Variants in SMARCC1 observed in about 807,000 individuals in gnomAD.
The protein encoded by SMARCC1 is SWI/SNF complex subunit SMARCC1.
A neutral mutation model predicts 147.4 loss-of-function variants in SMARCC1; 43 were observed. The observed-to-expected ratio is 0.29, with a 90% CI of 0.23 to 0.38. The LOEUF is 0.38. Ranked by LOEUF, SMARCC1 falls within the 10% of genes least tolerant of loss-of-function variation. The pLI is 1.00. For synonymous variants in SMARCC1, 495 were observed against 484.4 expected (o/e 1.02, Z -0.29); for missense variants, 1,119 against 1,381.1 (o/e 0.81, Z 3.01).
intron 14 of SMARCC1, among the ~76,000 whole-genome samples, chr3:47,681,417 T>C (rs1477549205): frequency 2.0e-5 from 3 of 152,338 alleles, no homozygotes; most frequent in South Asian, 4.1e-4. Flanking sequence ...TAACAATATA[T>C]GCAAACGCTA....
In SMARCC1 at chr3:47,673,391, A is replaced by AT. The variant is rs1235614170; in HGVS notation, c.1839+2083_1839+2084insA. 2.1e-3 allele frequency among the ~76,000 whole-genome samples: 82 copies of AT among 38,722 alleles called. 7 individuals carry two copies. The Admixed American group carries it at 0.025, about 12-fold the overall frequency. The allele number at this position is 38,722 out of a possible 152,430, so 25.4% of individuals were successfully genotyped here. ...ACAGAGCGAGACTCTGTCTCAAAAA[A>AT]AAAAGGGTGGGGGGGGGGCAGGCCA... On this transcript the variant is annotated intron_variant, in intron 18 of 27. Coordinates refer to ENST00000254480, the MANE Select transcript of SMARCC1 (RefSeq NM_003074.4).
At chr3:47,632,208 A>C (rs1458765340) in intron 24 of SMARCC1, among the ~76,000 whole-genome samples, 1 of 152,192 alleles carries the variant, frequency 6.6e-6, no homozygotes, top group African/African-American at 2.4e-5. Context: ...GATAATCAGT[A>C]GTGTATACCA....
chr3:47,682,104 G>A (rs565073931), intron 14 of SMARCC1, among the ~76,000 whole-genome samples: 4 of 151,166 alleles, frequency 2.6e-5, no homozygotes, highest in African/African-American at 7.3e-5. Flanking sequence ...TCTCATCCTG[G>A]GTAGCATGGT....
chr3:47,615,633 G>A (rs1031947183), intron 25 of SMARCC1, among the ~76,000 whole-genome samples: 3 of 152,034 alleles, frequency 2.0e-5, no homozygotes, highest in African/African-American at 4.8e-5. Flanking sequence ...TCACAGTTCC[G>A]AGTTCCCTAA....
chr3:47,685,994 G>A, intron 14 of SMARCC1, 55 bp downstream of exon 14: 1 of 1,499,378 alleles, frequency 6.7e-7, no homozygotes, highest in East Asian at 2.4e-5. Flanking sequence ...CTGATTTCAA[G>A]GAAAGTTCTT....
chr3:47,648,987 C>T (rs892170257), intron 21 of SMARCC1, among the ~76,000 whole-genome samples: 1 of 152,200 alleles, frequency 6.6e-6, no homozygotes, highest in Admixed American at 6.5e-5. Context: ...AATATACATC[C>T]TACTACCTAA....
At chr3:47,733,399 C>A (rs2106826027) in intron 5 of SMARCC1, among the ~76,000 whole-genome samples, 1 of 151,294 alleles carries the variant, frequency 6.6e-6, no homozygotes, top group East Asian at 2.0e-4. Flanking sequence ...CTAGGGAAGA[C>A]CCTGTCTCTT....
chr3:47,759,915 C>T (rs1418703942), intron 2 of SMARCC1, among the ~76,000 whole-genome samples: 3 of 151,582 alleles, frequency 2.0e-5, no homozygotes, highest in Non-Finnish European at 4.4e-5. Flanking sequence ...CCAGCCTGGG[C>T]AACAAAAGCG....
At chr3:47,645,220 G>C (rs1326525699) in intron 21 of SMARCC1, among the ~76,000 whole-genome samples, 1 of 151,844 alleles carries the variant, frequency 6.6e-6, no homozygotes, top group Non-Finnish European at 1.5e-5. Context: ...CTTGATCCTA[G>C]GTCAAGCCTG....
At chr3:47,755,989 T>TAAA (rs34001771) in intron 2 of SMARCC1, among the ~76,000 whole-genome samples, 4 of 22,912 alleles carry the variant, frequency 1.7e-4, no homozygotes, top group Non-Finnish European at 2.2e-4. Flanking sequence ...GGCTTCATCT[T>TAAA]AAAAAAAAAA....
rs900496223 is a variant in SMARCC1, at chr3:47,707,343, A to G, written c.919-813T>C. 7.2e-5 allele frequency among the ~76,000 whole-genome samples: 11 copies of G among 152,046 alleles called. No homozygotes were observed. In the South Asian group the frequency reaches 1.0e-3, roughly 14 times the overall value. ...GGAAAAAAAAAAAAAGTCAACCTTT[A>G]TAAGTAAAAACTATCCCGGCTTGCA... On this transcript the variant is annotated intron_variant, in intron 9 of 27. Transcript: ENST00000254480.
chr3:47,590,953 C>T, intron 26 of SMARCC1, 116 bp from the exon 27 acceptor site: 1 of 880,106 alleles, frequency 1.1e-6, no homozygotes, highest in Non-Finnish European at 1.8e-6. Flanking sequence ...TCTGAAATAT[C>T]AACAGAGCAA....
At chr3:47,698,005 CAAAAAAAAAAAAAAAA>C (rs71070213) in intron 11 of SMARCC1, among the ~76,000 whole-genome samples, 6 of 12,494 alleles carry the variant, frequency 4.8e-4, no homozygotes, top group South Asian at 7.5e-3. Flanking sequence ...GCCTCCGCCT[CAAAAAAAAAAAAAAAA>C]AAAAAAAAAA....
intron 26 of SMARCC1, among the ~76,000 whole-genome samples, chr3:47,593,116 C>G (rs550000587): frequency 6.6e-6 from 1 of 151,772 alleles, no homozygotes; most frequent in Non-Finnish European, 1.5e-5. Flanking sequence ...TGTGAGCCAC[C>G]GCACCTGGCC....
At chr3:47,757,730 G>A (rs2034718097) in intron 2 of SMARCC1, among the ~76,000 whole-genome samples, 1 of 150,118 alleles carries the variant, frequency 6.7e-6, no homozygotes, top group Non-Finnish European at 1.5e-5. Flanking sequence ...CTTGCAGTGA[G>A]CCGAGATCCC....
intron 17 of SMARCC1, 120 bp from the exon 18 acceptor site, chr3:47,675,708 G>A (rs1256616178): frequency 3.6e-6 from 2 of 553,290 alleles, no homozygotes; most frequent in South Asian, 2.0e-5. Context: ...AGCACTTTGG[G>A]AGGCCGAGGC....
chr3:47,644,817 T>G (rs1014200899), intron 21 of SMARCC1, among the ~76,000 whole-genome samples: 1 of 152,148 alleles, frequency 6.6e-6, no homozygotes, highest in African/African-American at 2.4e-5. Context: ...CAAGAATAAC[T>G]TTTTTAAAAA....
intron 5 of SMARCC1, among the ~76,000 whole-genome samples, chr3:47,735,771 C>G (rs916826336): frequency 6.6e-6 from 1 of 151,772 alleles, no homozygotes; most frequent in South Asian, 2.1e-4. Context: ...AACAAAAAAA[C>G]TGGAAGATCT....
At chr3:47,718,138 CA>C (rs71070217) in intron 7 of SMARCC1, among the ~76,000 whole-genome samples, 23,868 of 54,228 alleles carry the variant, frequency 0.44, 2,401 homozygotes, top group Admixed American at 0.52. Flanking sequence ...GACCTTGTCT[CA>C]AAAAAAAAAA....
Sources: allele counts gnomAD v4.1 joint callset (sites outside exome capture counted in the v4.1 genomes callset), GRCh38; gene constraint gnomAD v4.1.1; transcripts MANE v1.5; gene names NCBI Gene and HGNC (gene_info 2026-07-23, HGNC 2026-07-21).